COL18A1: variants seen among roughly 807,000 people sequenced by gnomAD.
COL18A1 encodes the protein collagen alpha-1(XVIII) chain.
In COL18A1, 133 loss-of-function variants were observed where a neutral mutation model predicts 168.0. That is an observed-to-expected ratio of 0.79 (90% CI 0.69 to 0.91). The LOEUF is 0.91. Among genes scored for constraint, COL18A1 ranks in the 40% least tolerant of loss-of-function variants. The pLI is 0.00. For missense variants in COL18A1, 2,126 were observed against 1,925.4 expected (o/e 1.10, Z -1.95); for synonymous variants, 949 against 809.0 (o/e 1.17, Z -2.94).
chr21:45,504,342 C>T, intron 33 of COL18A1, 74 bp from the exon 34 acceptor site: 1 of 1,493,600 alleles, frequency 6.7e-7, no homozygotes. Context: ...CCAGCCCTGG[C>T]TCGGGGGGAT....
At chr21:45,460,649 C>T (rs1602437257) in intron 2 of COL18A1, among the ~76,000 whole-genome samples, 1 of 152,352 alleles carries the variant, frequency 6.6e-6, no homozygotes, top group East Asian at 1.9e-4. Context: ...AGAAAATGTC[C>T]CTTCTCCTTA....
intron 2 of COL18A1, among the ~76,000 whole-genome samples, chr21:45,466,593 C>T (rs2035222991): frequency 6.6e-6 from 1 of 152,248 alleles, no homozygotes; most frequent in African/African-American, 2.4e-5. Context: ...GAGGCTGCGC[C>T]ATTCTCTGCC....
chr21:45,421,165 C>T lies in COL18A1; in HGVS notation c.106+15692C>T, dbSNP rs149830688. On this transcript the variant is annotated intron_variant, in intron 2 of 41. Coordinates refer to ENST00000651438, the MANE Select transcript of COL18A1 (RefSeq NM_001379500.1). ...ACTCCTCAGGCTCCTCAAGGACAGACGGACAGACAGGCACTCTAGAGAAGG... is the reference window on the plus strand; with the variant it reads ...ACTCCTCAGGCTCCTCAAGGACAGATGGACAGACAGGCACTCTAGAGAAGG... 1.5e-3 allele frequency: 535 copies of T among 346,388 alleles called. 9 individuals are homozygous for T. Among genetic ancestry groups the T allele is most frequent in the African/African-American group, 0.011 (494 of 46,622 alleles). 21.5% of individuals were successfully genotyped at this position (346,388 alleles called of 1,614,324 possible).
intron 13 of COL18A1, among the ~76,000 whole-genome samples, chr21:45,481,116 C>T (rs573324783): frequency 6.6e-6 from 1 of 152,322 alleles, no homozygotes; most frequent in East Asian, 1.9e-4. Context: ...ACCTCTCTGG[C>T]CCTGTGGGTC....
chr21:45,495,213 G>A, intron 28 of COL18A1, 145 bp from the exon 29 acceptor site: 1 of 733,938 alleles, frequency 1.4e-6, no homozygotes, highest in Admixed American at 2.0e-5. Flanking sequence ...GGTGAGAAGG[G>A]CCGGGGTAGC....
chr21:45,422,289 G>T (rs2033650100), intron 2 of COL18A1: 5 of 349,526 alleles, frequency 1.4e-5, no homozygotes, highest in Non-Finnish European at 3.0e-5. Flanking sequence ...TCTGTCTGTA[G>T]AGGGGCAGGA....
chr21:45,452,714 T>C (rs112497258), intron 2 of COL18A1, among the ~76,000 whole-genome samples: 2 of 145,086 alleles, frequency 1.4e-5, no homozygotes, highest in African/African-American at 5.4e-5. Flanking sequence ...TATGCATGAA[T>C]ATTCACATGT....
chr21:45,482,850 C>T (rs766970985), intron 15 of COL18A1, 29 bp downstream of exon 15: 4 of 1,613,990 alleles, frequency 2.5e-6, no homozygotes, highest in Non-Finnish European at 2.5e-6. Flanking sequence ...GCACATCAGT[C>T]CCCTGCCCCT....
rs377149611 is a variant in COL18A1 at position 45,492,273 on chromosome 21, C to T, written c.2158-262C>T. 5.3e-5 allele frequency among the ~76,000 whole-genome samples: 8 copies of T among 152,278 alleles called. No individual in the cohort carries two copies. In the South Asian group the frequency reaches 8.3e-4, roughly 16 times the overall value. On this transcript the variant is annotated intron_variant, in intron 22 of 41. Coordinates refer to ENST00000651438, the MANE Select transcript of COL18A1 (RefSeq NM_001379500.1). ...CCACCTCCGCCGGCAAGCAAGGGAGCGTCTAGCAGAGGCAGGAGCATTTTA... is the reference window on the plus strand; with the variant it reads ...CCACCTCCGCCGGCAAGCAAGGGAGTGTCTAGCAGAGGCAGGAGCATTTTA...
intron 2 of COL18A1, chr21:45,408,174 G>T (rs1157024476): frequency 6.6e-6 from 1 of 152,298 alleles, no homozygotes; most frequent in Non-Finnish European, 1.5e-5. Flanking sequence ...GCTCCAGAGT[G>T]CAGGCGCCAG....
At chr21:45,436,563 C>A (rs1212665222) in intron 2 of COL18A1, among the ~76,000 whole-genome samples, 10 of 152,076 alleles carry the variant, frequency 6.6e-5, no homozygotes, top group Admixed American at 5.9e-4. Flanking sequence ...ACGTGGAGGC[C>A]ACATGGAACT....
intron 2 of COL18A1, among the ~76,000 whole-genome samples, chr21:45,437,368 A>T (rs866019151): frequency 3.4e-5 from 4 of 116,918 alleles, no homozygotes; most frequent in African/African-American, 8.2e-5. Context: ...GCACACACAC[A>T]CACTCAGACA....
rs895308995 is a variant in COL18A1, at chr21:45,471,532, G to A, written c.652-2363G>A. Among the ~76,000 whole-genome samples the A allele has an allele frequency of 2.6e-5, 4 of 152,200 alleles. No homozygotes were observed. Among genetic ancestry groups the A allele is most frequent in the Non-Finnish European group, 5.9e-5 (4 of 68,040 alleles). On this transcript the variant is annotated intron_variant, in intron 3 of 41. Coordinates refer to ENST00000651438, the MANE Select transcript of COL18A1 (RefSeq NM_001379500.1). The surrounding 1 kb of genome is among the most constrained non-coding windows in gnomAD (Gnocchi z 4.4). The stretch of plus-strand genomic sequence containing the variant: ...CCTGGCGCTGCCACAGATGGTGCCT[G>A]GGACCCCCGGCCGCAGCTGGGTCCA...
intron 25 of COL18A1, 79 bp from the exon 26 acceptor site, chr21:45,493,422 G>C: frequency 7.1e-7 from 1 of 1,401,386 alleles, no homozygotes; most frequent in Non-Finnish European, 9.9e-7. Flanking sequence ...AGTCACAGCG[G>C]CCCTGCCTTC....
At position 45,503,802 on chromosome 21, in the gene COL18A1, T is replaced by A. The variant is rs76521576; in HGVS notation, c.2684-209T>A. 7.3e-4 allele frequency: 230 copies of A among 314,386 alleles called. 2 individuals carry two copies. In the East Asian group the frequency reaches 9.7e-3, roughly 13 times the overall value. 19.5% of individuals were successfully genotyped at this position (314,386 alleles called of 1,614,324 possible). On this transcript the variant is annotated intron_variant, in intron 32 of 41. Coordinates refer to ENST00000651438, the MANE Select transcript of COL18A1 (RefSeq NM_001379500.1). ...AAAGTATAATAATAAATTTAAAAAA[T>A]TTAAAAATAAAATAAAAATAAAAAG...
chr21:45,496,460 G>C, intron 29 of COL18A1, 40 bp from the exon 30 acceptor site: 1 of 888,038 alleles, frequency 1.1e-6, no homozygotes. Flanking sequence ...CTGCCTGACA[G>C]GCAGGCCATA....
rs144020206 is a variant in COL18A1 at position 45,452,316 on chromosome 21, G to C, written c.107-15926G>C. On this transcript the variant is annotated intron_variant, in intron 2 of 41. Transcript: ENST00000651438. The stretch of plus-strand genomic sequence containing the variant: ...CTTGCCTGTGTGCGTGTGTGTGTGA[G>C]CATGCATGGCAGAGCTGAGCATGCA... 1.5e-3 allele frequency among the ~76,000 whole-genome samples: 234 copies of C among 152,392 alleles called. 1 individual carries two copies. Among genetic ancestry groups the C allele is most frequent in the African/African-American group, 5.1e-3 (213 of 41,598 alleles).
At chr21:45,505,032 G>A (rs2146079575) in intron 34 of COL18A1, 102 bp from the exon 35 acceptor site, 1 of 1,468,320 alleles carries the variant, frequency 6.8e-7, no homozygotes, top group Non-Finnish European at 9.2e-7. Flanking sequence ...CTCAGAGGCT[G>A]CGCTCGCCAA....
At chr21:45,481,423 T>C (rs1432830901) in intron 13 of COL18A1, among the ~76,000 whole-genome samples, 1 of 152,128 alleles carries the variant, frequency 6.6e-6, no homozygotes, top group East Asian at 1.9e-4. Context: ...TGCACTGGCA[T>C]CCCGTGGCCT....
Sources: allele counts gnomAD v4.1 joint callset (sites outside exome capture counted in the v4.1 genomes callset), GRCh38; gene constraint gnomAD v4.1.1; non-coding constraint Gnocchi (gnomAD v3.1); transcripts MANE v1.5; gene names NCBI Gene and HGNC (gene_info 2026-07-23, HGNC 2026-07-21).